Variants in COL23A1 observed in about 807,000 individuals in gnomAD.
COL23A1 encodes the protein collagen type XXIII alpha 1 chain, also known as collagen alpha-1(XXIII) chain.
COL23A1 carries 97 observed loss-of-function variants against 99.3 expected under a neutral mutation model. That is an observed-to-expected ratio of 0.98 (90% confidence interval 0.83 to 1.16). The LOEUF (loss-of-function observed/expected upper bound fraction) is 1.16. COL23A1 is among the 50% of genes most tolerant of loss of function. The probability of loss-of-function intolerance (pLI) is 0.00; values close to 1 mark genes in which losing one functional copy is unlikely to be tolerated. For synonymous variants in COL23A1, 320 were observed against 308.2 expected, an observed-to-expected ratio of 1.04 and a Z score of -0.40; for missense variants, 762 against 757.4, an observed-to-expected ratio of 1.01 and a Z score of -0.07.
chr5:178,246,943 G>A (rs1329809071), intron 22 of COL23A1, among the ~76,000 whole-genome samples: 1 of 152,212 alleles, frequency 6.6e-6, no homozygotes, highest in African/African-American at 2.4e-5. Context: ...TCCCACATCT[G>A]GCCTCTGAGC....
intron 28 of COL23A1, 124 bp downstream of exon 28, chr5:178,239,017 A>G: frequency 1.8e-6 from 2 of 1,105,654 alleles, no homozygotes; most frequent in East Asian, 4.8e-5. Flanking sequence ...CTATTCAGTC[A>G]CTGTGCGAGA....
chr5:178,258,498 C>T (rs1340696695), intron 12 of COL23A1, among the ~76,000 whole-genome samples: 1 of 147,726 alleles, frequency 6.8e-6, no homozygotes, highest in Non-Finnish European at 1.5e-5. Flanking sequence ...CGGGTTCACG[C>T]CATTCTCCTG....
intron 2 of COL23A1, among the ~76,000 whole-genome samples, chr5:178,362,520 T>C (rs573265628): frequency 6.6e-6 from 1 of 152,176 alleles, no homozygotes; most frequent in East Asian, 1.9e-4. Context: ...CTCCCCACTC[T>C]CAGTCCACCT....
chr5:178,564,383 C>A (rs981828195), intron 1 of COL23A1, among the ~76,000 whole-genome samples: 27 of 152,156 alleles, frequency 1.8e-4, no homozygotes, highest in African/African-American at 6.0e-4. Context: ...AATTAGAAAC[C>A]CAATCTCACA....
At chr5:178,473,664 C>T (rs1441247578) in intron 2 of COL23A1, among the ~76,000 whole-genome samples, 2 of 151,832 alleles carry the variant, frequency 1.3e-5, no homozygotes, top group African/African-American at 2.4e-5. Context: ...AACCAATGCC[C>T]TGAAGATACC....
At chr5:178,423,529 G>A (rs555832654) in intron 2 of COL23A1, among the ~76,000 whole-genome samples, 4 of 152,252 alleles carry the variant, frequency 2.6e-5, no homozygotes, top group African/African-American at 7.2e-5. Flanking sequence ...GGGCTGAGCC[G>A]CGATGCTCGA....
At chr5:178,356,628 A>T (rs1182189671) in intron 2 of COL23A1, among the ~76,000 whole-genome samples, 1 of 151,344 alleles carries the variant, frequency 6.6e-6, no homozygotes, top group African/African-American at 2.4e-5. Context: ...AGGAAAAAAA[A>T]GGCAAAGGAA....
At chr5:178,334,645 C>A (rs1760221091) in intron 2 of COL23A1, among the ~76,000 whole-genome samples, 1 of 152,204 alleles carries the variant, frequency 6.6e-6, no homozygotes, top group Non-Finnish European at 1.5e-5. Context: ...GGGAGAGACA[C>A]TTCCCAAGAA....
Position 178,249,117 on chromosome 5 carries a change from C to T in COL23A1, c.1149G>A (p.Pro383=), listed in dbSNP as rs760306310. ...TGTGTGGCCCAACCCAGCCACATAC[C>T]GGGAGGCCGGACAAGCCCATCTCGC... ...EAGEMGLSGL[P]GADGLKGEKG... is the part of the protein sequence containing the mutation. Residue 383 remains proline (P), a splice_region_variant and synonymous_variant, in exon 19 of 29, where the codon CCG becomes CCA. Transcript: ENST00000390654. The T allele has an allele frequency of 6.8e-6, 11 of 1,614,080 alleles. No homozygotes were observed. Among genetic ancestry groups the T allele is most frequent in the African/African-American group, 2.7e-5 (2 of 75,066 alleles).
At chr5:178,518,922 GGTCGGGCGGCGGCGGCTGCGGT>G (rs1759778273) in intron 2 of COL23A1, among the ~76,000 whole-genome samples, 1 of 93,142 alleles carries the variant, frequency 1.1e-5, no homozygotes, top group African/African-American at 4.7e-5. Context: ...TCCTCCCGGC[GGTCGGGCGGCGGCGGCTGCGGT>G]CGGTCGCGGC....
At chr5:178,392,593 G>A (rs565725341) in intron 2 of COL23A1, among the ~76,000 whole-genome samples, 14 of 152,272 alleles carry the variant, frequency 9.2e-5, no homozygotes, top group African/African-American at 1.9e-4. Flanking sequence ...ACTGAGACAC[G>A]AGGCCACAGG....
At chr5:178,517,319 A>G (rs1420328465) in intron 2 of COL23A1, among the ~76,000 whole-genome samples, 1 of 152,174 alleles carries the variant, frequency 6.6e-6, no homozygotes, top group African/African-American at 2.4e-5. Flanking sequence ...GAAAAAAGCA[A>G]TAGCCCCACA....
intron 2 of COL23A1, among the ~76,000 whole-genome samples, chr5:178,524,755 T>C (rs891071224): frequency 3.3e-5 from 5 of 152,142 alleles, no homozygotes; most frequent in Non-Finnish European, 5.9e-5. Flanking sequence ...GGGCCTTCTT[T>C]TTTCATAAGG....
intron 3 of COL23A1, among the ~76,000 whole-genome samples, chr5:178,300,955 TC>T (rs1408149842): frequency 6.6e-6 from 1 of 152,226 alleles, no homozygotes; most frequent in African/African-American, 2.4e-5. Context: ...TTGTTGAGCT[TC>T]TTAGATGTGT....
intron 2 of COL23A1, among the ~76,000 whole-genome samples, chr5:178,343,663 A>T (rs985026865): frequency 6.7e-5 from 9 of 134,366 alleles, no homozygotes; most frequent in East Asian, 2.1e-4. Context: ...ATATATATAT[A>T]TTTTTTTTTT....
At chr5:178,338,889 T>C (rs1379498519) in intron 2 of COL23A1, among the ~76,000 whole-genome samples, 2 of 152,174 alleles carry the variant, frequency 1.3e-5, no homozygotes, top group East Asian at 3.9e-4. Context: ...GATGAGACTA[T>C]CACAGCTGAA....
chr5:178,402,186 A>C (rs1364320189), intron 2 of COL23A1, among the ~76,000 whole-genome samples: 5 of 152,156 alleles, frequency 3.3e-5, no homozygotes, highest in African/African-American at 1.2e-4. Context: ...GATAGCAATA[A>C]GAAGTGAGTG....
chr5:178,569,144 C>T (rs1762969329), intron 1 of COL23A1, among the ~76,000 whole-genome samples: 1 of 152,140 alleles, frequency 6.6e-6, no homozygotes, highest in South Asian at 2.1e-4. Flanking sequence ...TCCCTAATGA[C>T]AAATGATGTC....
chr5:178,244,177 G>T (rs1764553422), intron 25 of COL23A1, among the ~76,000 whole-genome samples: 1 of 148,904 alleles, frequency 6.7e-6, no homozygotes, highest in Admixed American at 6.7e-5. Flanking sequence ...ATTTAGTAGA[G>T]ACAGGGTTTC....
Sources: allele counts gnomAD v4.1 joint callset (sites outside exome capture counted in the v4.1 genomes callset), GRCh38; gene constraint gnomAD v4.1.1; transcripts MANE v1.5; gene names NCBI Gene and HGNC (gene_info 2026-07-23, HGNC 2026-07-21).